Variants in DNM3 observed in about 807,000 individuals in gnomAD.
The protein encoded by DNM3 is dynamin-3.
Under a neutral mutation model 101.6 loss-of-function variants are expected in DNM3, and 47 were observed. The ratio of observed to expected loss-of-function variants is 0.46; its 90% CI spans 0.37 to 0.59. The LOEUF is 0.59. Ranked by LOEUF, DNM3 falls within the 20% of genes least tolerant of loss-of-function variation. DNM3 has a pLI of 0.00. For synonymous variants in DNM3, 385 were observed against 387.9 expected (o/e 0.99, Z 0.09); for missense variants, 849 against 1,085.7 (o/e 0.78, Z 3.06).
At chr1:171,903,185 T>C (rs1258542101) in intron 1 of DNM3, among the ~76,000 whole-genome samples, 2 of 151,534 alleles carry the variant, frequency 1.3e-5, no homozygotes, top group African/African-American at 4.8e-5. Context: ...TAAATAAAAA[T>C]AAAGGGTTTA....
At chr1:172,249,326 T>C (rs1241396131) in intron 14 of DNM3, among the ~76,000 whole-genome samples, 1 of 152,136 alleles carries the variant, frequency 6.6e-6, no homozygotes, top group Non-Finnish European at 1.5e-5. Context: ...TCTACCACCT[T>C]GGTTCCTCTG....
At chr1:172,262,330 G>T (rs980148876) in intron 15 of DNM3, among the ~76,000 whole-genome samples, 2 of 152,158 alleles carry the variant, frequency 1.3e-5, no homozygotes, top group African/African-American at 4.8e-5. Flanking sequence ...TCCTGCCTTA[G>T]CCCTGGCAAT....
At chr1:172,328,619 G>A (rs893642056) in intron 17 of DNM3, among the ~76,000 whole-genome samples, 2 of 152,082 alleles carry the variant, frequency 1.3e-5, no homozygotes, top group Admixed American at 1.3e-4. Flanking sequence ...AAGGGAGCAA[G>A]AGACACCGGG....
chr1:172,133,851 A>C (rs1292527812), intron 14 of DNM3, among the ~76,000 whole-genome samples: 2 of 152,186 alleles, frequency 1.3e-5, no homozygotes, highest in East Asian at 3.9e-4. Flanking sequence ...ACATAGGAAC[A>C]GTGGGGGAGA....
At chr1:172,170,012 C>G (rs1328362929) in intron 14 of DNM3, among the ~76,000 whole-genome samples, 1 of 151,620 alleles carries the variant, frequency 6.6e-6, no homozygotes, top group Non-Finnish European at 1.5e-5. Context: ...GCATTTTTTT[C>G]TAAGTATGTT....
At chr1:172,346,132 A>AAC (rs1448407196) in intron 17 of DNM3, among the ~76,000 whole-genome samples, 1 of 151,766 alleles carries the variant, frequency 6.6e-6, no homozygotes, top group African/African-American at 2.4e-5. Context: ...CAAAAAAAAA[A>AAC]AAAAAAAAAA....
chr1:172,238,181 G>T (rs1363159184), intron 14 of DNM3, among the ~76,000 whole-genome samples: 1 of 152,120 alleles, frequency 6.6e-6, no homozygotes, highest in Non-Finnish European at 1.5e-5. Flanking sequence ...ATTTTTATTA[G>T]ATACCAACAC....
intron 1 of DNM3, among the ~76,000 whole-genome samples, chr1:171,863,282 T>G (rs1169875523): frequency 6.6e-6 from 1 of 151,874 alleles, no homozygotes; most frequent in Non-Finnish European, 1.5e-5. Flanking sequence ...GGATATCTTA[T>G]CCACTGTAAC....
At chr1:172,055,315 G>T (rs1205126620) in intron 10 of DNM3, among the ~76,000 whole-genome samples, 1 of 151,986 alleles carries the variant, frequency 6.6e-6, no homozygotes, top group African/African-American at 2.4e-5. Flanking sequence ...TATCTGCATG[G>T]ATCAAACCAT....
intron 16 of DNM3, among the ~76,000 whole-genome samples, chr1:172,319,572 G>T (rs1304810600): frequency 6.6e-6 from 1 of 152,138 alleles, no homozygotes; most frequent in East Asian, 1.9e-4. Flanking sequence ...GTGGGCAAAG[G>T]ATATGAACAG....
chr1:171,978,745 T>C (rs1049646008), intron 2 of DNM3, among the ~76,000 whole-genome samples: 1 of 152,106 alleles, frequency 6.6e-6, no homozygotes, highest in Non-Finnish European at 1.5e-5. Flanking sequence ...TTTATGGTAG[T>C]ACAGGTTAGA....
chr1:171,993,830 T>C (rs1464846292), intron 4 of DNM3, among the ~76,000 whole-genome samples: 1 of 152,094 alleles, frequency 6.6e-6, no homozygotes, highest in Non-Finnish European at 1.5e-5. Flanking sequence ...TCAATTGATC[T>C]GTCTTCAAGT....
chr1:171,851,626 C>G (rs1371470581), intron 1 of DNM3, among the ~76,000 whole-genome samples: 1 of 152,190 alleles, frequency 6.6e-6, no homozygotes, highest in Non-Finnish European at 1.5e-5. Context: ...GTTGGCCAGG[C>G]TGGCCTTGAA....
intron 14 of DNM3, among the ~76,000 whole-genome samples, chr1:172,197,860 GAC>G (rs201534374): frequency 0.021 from 3,199 of 152,140 alleles, 95 homozygotes; most frequent in African/African-American, 0.07. Flanking sequence ...TGCCAATAGA[GAC>G]AGTTTGATTT....
chr1:172,090,228 C>A (rs1468600870), intron 12 of DNM3, among the ~76,000 whole-genome samples: 3 of 152,272 alleles, frequency 2.0e-5, no homozygotes, highest in Admixed American at 2.0e-4. Context: ...TAAACATAAC[C>A]TATGAAGGTG....
chr1:172,375,379 A>G (rs1020735188), intron 17 of DNM3, among the ~76,000 whole-genome samples: 1 of 152,004 alleles, frequency 6.6e-6, no homozygotes, highest in African/African-American at 2.4e-5. Context: ...CATCAACACT[A>G]TCTTAACCCA....
intron 2 of DNM3, among the ~76,000 whole-genome samples, chr1:171,970,557 T>C (rs2043917696): frequency 6.6e-6 from 1 of 152,120 alleles, no homozygotes; most frequent in Non-Finnish European, 1.5e-5. Context: ...TAGATAGAAA[T>C]ATTTTTGCTA....
intron 14 of DNM3, among the ~76,000 whole-genome samples, chr1:172,172,032 G>A (rs1201472027): frequency 2.0e-5 from 3 of 151,570 alleles, no homozygotes; most frequent in African/African-American, 7.3e-5. Flanking sequence ...TTATTGAATT[G>A]ATAAATATTT....
intron 14 of DNM3, among the ~76,000 whole-genome samples, chr1:172,167,260 T>G (rs2058782003): frequency 6.6e-6 from 1 of 152,148 alleles, no homozygotes; most frequent in African/African-American, 2.4e-5. Flanking sequence ...CATCCTTTTT[T>G]ATGGCTGCAT....
Sources: allele counts gnomAD v4.1 joint callset (sites outside exome capture counted in the v4.1 genomes callset), GRCh38; gene constraint gnomAD v4.1.1; transcripts MANE v1.5; gene names NCBI Gene and HGNC (gene_info 2026-07-23, HGNC 2026-07-21).